The following RASGRF1 variants were observed in gnomAD, a reference collection of about 807,000 sequenced individuals.
The protein encoded by RASGRF1 is ras-specific guanine nucleotide-releasing factor 1.
Under a neutral mutation model 138.7 loss-of-function variants are expected in RASGRF1, and 40 were observed. The ratio of observed to expected loss-of-function variants is 0.29; its 90% CI spans 0.22 to 0.38. RASGRF1 has a LOEUF of 0.38. Ranked by LOEUF, RASGRF1 falls within the 10% of genes least tolerant of loss-of-function variation. The probability of loss-of-function intolerance (pLI) is 1.00; values close to 1 mark genes in which losing one functional copy is unlikely to be tolerated. For missense variants in RASGRF1, 1,108 were observed against 1,650.4 expected, an observed-to-expected ratio of 0.67 and a Z score of 5.69; for synonymous variants, 614 against 663.2, an observed-to-expected ratio of 0.93 and a Z score of 1.14.
chr15:78,985,536 A>G (rs2056134175), intron 22 of RASGRF1: 1 of 212,390 alleles, frequency 4.7e-6, no homozygotes, highest in Admixed American at 5.2e-5. Context: ...AAAGGCTTGA[A>G]TAACAGAGAA....
In RASGRF1 at chr15:79,058,499, T is replaced by C. The variant is rs2057540936; in HGVS notation, c.384-18A>G. On this transcript the variant is annotated intron_variant, in intron 2 of 26. Transcript: ENST00000558480. ...TCCTGTAGCTGTGGACAGATGGACA[T>C]GGCAGGTAAGATGCTGACTCCTTGT... The C allele has an allele frequency of 1.2e-6, 2 of 1,612,108 alleles. No homozygotes were observed. Among genetic ancestry groups the C allele is most frequent in the East Asian group, 4.5e-5 (2 of 44,818 alleles).
chr15:79,089,362 T>TACCCCTCCTCCCTTCAC (rs2058021657), intron 1 of RASGRF1, among the ~76,000 whole-genome samples: 1 of 152,232 alleles, frequency 6.6e-6, no homozygotes, highest in Non-Finnish European at 1.5e-5. Flanking sequence ...TCTCTGCAGG[T>TACCCCTCCTCCCTTCAC]GCCCCTCCTC....
At position 79,025,398 on chromosome 15, in the gene RASGRF1, T is replaced by C; in HGVS notation, c.1458A>G (p.Lys486=). The C allele has an allele frequency of 6.2e-7, 1 of 1,614,004 alleles. No individual in the cohort carries two copies. Among genetic ancestry groups the C allele is most frequent in the African/African-American group, 1.3e-5 (1 of 75,012 alleles). The change falls in exon 10 of 27, where the codon AAA becomes AAG. Residue 486 remains lysine (K), a synonymous_variant. Coordinates refer to ENST00000558480, the MANE Select transcript of RASGRF1 (RefSeq NM_001145648.3). ...ACAGGAAGCACTGTCGCTCGCCCTC[T>C]TTCTTTAGGGAGAGAGACCCCAGGC... ...RGRLGSLSLK[K]EGERQCFLFS...
chr15:78,980,630 C>T lies in RASGRF1; in HGVS notation c.3484G>A (p.Ala1162Thr). 1.2e-6 allele frequency: 2 copies of T among 1,601,230 alleles called. No individual in the cohort carries two copies. The highest frequency in any genetic ancestry group is 8.6e-7 in the Non-Finnish European group (1 of 1,168,992). The part of the protein sequence containing the change: ...SEGRFKNLRE[A>T]LKNCDPPCVP... ...ACGACACACACTTACTTTTTCAGAG[C>T]TTCTCTGAGATTCTTAAATCTGCCC... Residue 1162 changes from alanine to threonine, a missense_variant, in exon 24 of 27, where the codon GCT becomes ACT. By Grantham distance (58) the Ala-to-Thr change is moderately conservative. Around this residue, in one of 3 missense-constraint regions of RASGRF1, gnomAD observed 686 missense variants for 976.7 expected, o/e 0.70. Transcript: ENST00000558480.
intron 21 of RASGRF1, among the ~76,000 whole-genome samples, chr15:78,990,545 T>C (rs1258861937): frequency 6.6e-6 from 1 of 152,162 alleles, no homozygotes; most frequent in Non-Finnish European, 1.5e-5. Context: ...CCTCACAGGT[T>C]TACTGGGAGG....
intron 1 of RASGRF1, among the ~76,000 whole-genome samples, chr15:79,074,632 G>A (rs951010674): frequency 1.3e-5 from 2 of 152,172 alleles, no homozygotes; most frequent in African/African-American, 4.8e-5. Context: ...GCCACACCCA[G>A]GCCCCATAAT....
chr15:79,064,799 C>T, intron 1 of RASGRF1: 1 of 440,588 alleles, frequency 2.3e-6, no homozygotes, highest in East Asian at 4.3e-5. Flanking sequence ...TGCAAAAAAG[C>T]CAGTTTGAAA....
At chr15:79,067,451 C>CA (rs770254637) in intron 1 of RASGRF1, among the ~76,000 whole-genome samples, 33 of 152,190 alleles carry the variant, frequency 2.2e-4, no homozygotes, top group Non-Finnish European at 3.5e-4. Flanking sequence ...TTCATTTGTC[C>CA]AAGGTCACTG....
At chr15:78,998,257 T>C in intron 18 of RASGRF1, 49 bp from the exon 19 acceptor site, 2 of 1,472,308 alleles carry the variant, frequency 1.4e-6, no homozygotes, top group Non-Finnish European at 1.9e-6. Context: ...TTTGAGCTGC[T>C]CTGCAGTGGT....
At chr15:79,023,176 G>A (rs1293158831) in intron 10 of RASGRF1, among the ~76,000 whole-genome samples, 1 of 149,614 alleles carries the variant, frequency 6.7e-6, no homozygotes, top group Non-Finnish European at 1.5e-5. Flanking sequence ...TCCGTCTTGG[G>A]GAAAAAAAAA....
chr15:78,983,946 A>G (rs1281212717), intron 23 of RASGRF1, among the ~76,000 whole-genome samples: 3 of 152,188 alleles, frequency 2.0e-5, no homozygotes, highest in African/African-American at 7.2e-5. Flanking sequence ...TCCTGCTGTC[A>G]TCAGGGGCTG....
chr15:78,984,346 T>C (rs1439167647), intron 23 of RASGRF1: 4 of 153,128 alleles, frequency 2.6e-5, no homozygotes, highest in Admixed American at 6.5e-5. Flanking sequence ...AGTGCCTCAT[T>C]GTCCTCTCCT....
At chr15:79,074,240 G>A (rs1341555441) in intron 1 of RASGRF1, among the ~76,000 whole-genome samples, 16 of 152,218 alleles carry the variant, frequency 1.1e-4, no homozygotes, top group Non-Finnish European at 2.1e-4. Context: ...AGGTGATTCC[G>A]TACATGCTCA....
intron 3 of RASGRF1, among the ~76,000 whole-genome samples, chr15:79,052,779 G>A (rs906547211): frequency 1.3e-5 from 2 of 152,164 alleles, no homozygotes; most frequent in Admixed American, 6.5e-5. Context: ...GTGTGATAGA[G>A]TGTTGTGTGC....
Position 79,052,912 on chromosome 15 carries a change from T to TC in RASGRF1, c.532-3325dup, listed in dbSNP as rs1303950373. On this transcript the variant is annotated intron_variant, in intron 3 of 26. Coordinates refer to ENST00000558480, the MANE Select transcript of RASGRF1 (RefSeq NM_001145648.3). ...GGACCAAGGCCACCCTCCCCTCCTT[T>TC]CCCCAGAGCAGTCTTCTATCTATTT... Among the ~76,000 whole-genome samples, 3 of 152,022 alleles carry TC rather than the reference T, an allele frequency of 2.0e-5. No homozygotes were observed. In the East Asian group the frequency reaches 5.8e-4, roughly 29 times the overall value.
chr15:78,987,670 T>G (rs767737084), intron 22 of RASGRF1, among the ~76,000 whole-genome samples: 3 of 152,192 alleles, frequency 2.0e-5, no homozygotes, highest in Non-Finnish European at 4.4e-5. Context: ...CACTCCAGCC[T>G]GGGCGACAGA....
intron 24 of RASGRF1, among the ~76,000 whole-genome samples, chr15:78,974,579 G>A (rs534550369): frequency 1.3e-5 from 2 of 152,290 alleles, no homozygotes; most frequent in Admixed American, 6.5e-5. Context: ...TTACAGGCAC[G>A]ATATTAAATA....
At chr15:78,978,563 C>T in intron 24 of RASGRF1, 1 of 987,108 alleles carries the variant, frequency 1.0e-6, no homozygotes, top group East Asian at 1.1e-4. Flanking sequence ...AAAAAGATGC[C>T]TGGGACGTAT....
rs557573807 is a variant in RASGRF1 at position 78,994,054 on chromosome 15, G to A, written c.3027+1686C>T. Among the ~76,000 whole-genome samples the A allele has an allele frequency of 3.3e-5, 5 of 152,344 alleles. No homozygotes were observed. In the East Asian group the frequency reaches 9.6e-4, roughly 29 times the overall value. On this transcript the variant is annotated intron_variant, in intron 20 of 26. Transcript: ENST00000558480. ...GTTTGTTCTGGAAGAACCTCAGGCT[G>A]TTCACGAAGGAACAAGGGGCCCTCA...
Sources: gnomAD v4.1 joint callset for allele counts (sites outside exome capture counted in the v4.1 genomes callset) on GRCh38, gnomAD v4.1.1 for gene constraint, gnomAD v4.1.1 regional missense constraint, MANE v1.5 for transcripts, NCBI Gene and HGNC (gene_info 2026-07-23, HGNC 2026-07-21) for gene names.